The following DENND5B variants were observed in gnomAD, a reference collection of about 807,000 sequenced individuals.
DENND5B encodes DENN domain containing 5B, also known as DENN domain-containing protein 5B.
DENND5B carries 34 observed loss-of-function variants against 140.6 expected under a neutral mutation model. That is an observed-to-expected ratio of 0.24 (90% CI 0.18 to 0.32). The LOEUF (loss-of-function observed/expected upper bound fraction) is 0.32, where lower values mean the gene tolerates loss of function less well. DENND5B is among the 10% of genes least tolerant of loss of function. DENND5B has a pLI of 1.00. For synonymous variants in DENND5B, 551 were observed against 562.1 expected (o/e 0.98, Z 0.28); for missense variants, 1,142 against 1,560.2 (o/e 0.73, Z 4.52).
intron 2 of DENND5B, among the ~76,000 whole-genome samples, chr12:31,488,131 ATTTT>A (rs68139114): frequency 1.5e-5 from 2 of 135,426 alleles, no homozygotes; most frequent in African/African-American, 2.7e-5. Flanking sequence ...ATACCCGGCT[ATTTT>A]TTTTTTTTTT....
chr12:31,545,949 T>TTAAAAAA (rs1948840121), intron 1 of DENND5B, among the ~76,000 whole-genome samples: 1 of 4,606 alleles, frequency 2.2e-4, no homozygotes, highest in African/African-American at 2.9e-3. Context: ...AGACACTGTC[T>TTAAAAAA]CAAAAAAAAA....
intron 8 of DENND5B, chr12:31,432,287 GAA>G: frequency 5.7e-6 from 1 of 175,082 alleles, no homozygotes; most frequent in Non-Finnish European, 1.1e-5. Flanking sequence ...ACAGTAGCCG[GAA>G]AAAAAAAAGC....
At chr12:31,551,250 G>C (rs1328810409) in intron 1 of DENND5B, among the ~76,000 whole-genome samples, 1 of 152,158 alleles carries the variant, frequency 6.6e-6, no homozygotes, top group Non-Finnish European at 1.5e-5. Context: ...AAAGGTGTAA[G>C]GAAGGGATCC....
chr12:31,391,898 T>C (rs2137277731), intron 19 of DENND5B, among the ~76,000 whole-genome samples: 1 of 152,182 alleles, frequency 6.6e-6, no homozygotes, highest in East Asian at 1.9e-4. Flanking sequence ...CCCAGCACTT[T>C]GGGAGGCTGA....
In DENND5B at chr12:31,477,160, G is replaced by A. The variant is rs577744251; in HGVS notation, c.904+2429C>T. On this transcript the variant is annotated intron_variant, in intron 3 of 20. Coordinates refer to ENST00000389082, the MANE Select transcript of DENND5B (RefSeq NM_144973.4). ...GGAGAATTGTTTGAACCCGGGAGGCGGTGGTTGCAGTGAGCCAAGATCATG... is the reference window on the plus strand; with the variant it reads ...GGAGAATTGTTTGAACCCGGGAGGCAGTGGTTGCAGTGAGCCAAGATCATG... Among the ~76,000 whole-genome samples, 12 of 151,960 alleles carry A rather than the reference G, an allele frequency of 7.9e-5. No homozygotes were observed. In the South Asian group the frequency reaches 2.1e-3, roughly 26 times the overall value.
rs1294856924 is a variant in DENND5B at position 31,479,692 on chromosome 12, A to G, written c.801T>C (p.Ser267=). Residue 267 remains serine, a synonymous_variant, in exon 3 of 21, where the codon TCT becomes TCC. Transcript: ENST00000389082. ...QRPGPSELPL[S]DYPLREAFEL... ...CAAATGCCTCCCGAAGGGGGTAATC[A>G]GAGAGGGGGAGTTCACTGGGCCCAG... The G allele has an allele frequency of 9.4e-6, 15 of 1,592,280 alleles. No homozygotes were observed. The highest frequency in any genetic ancestry group is 1.3e-5 in the Non-Finnish European group (15 of 1,169,372).
At position 31,402,627 on chromosome 12, in the gene DENND5B, T is replaced by C. The variant is rs1185175333; in HGVS notation, c.2820A>G (p.Ser940=). ...TCAGCTTTTTGATTGGGATGATCAC[T>C]GACCTATACGGAATCACTGAAAGAA... ...VFTTIMIPYR[S]VIIPIKKLSN... is the part of the protein sequence containing the mutation. The change falls in exon 15 of 21, where the codon TCA becomes TCG. Residue 940 remains serine, a synonymous_variant. Coordinates refer to ENST00000389082, the MANE Select transcript of DENND5B (RefSeq NM_144973.4). The C allele has an allele frequency of 1.4e-5, 22 of 1,609,258 alleles. No homozygotes were observed. Among genetic ancestry groups the C allele is most frequent in the Non-Finnish European group, 1.7e-5 (20 of 1,178,302 alleles).
At chr12:31,446,624 C>T (rs984727388) in intron 6 of DENND5B, among the ~76,000 whole-genome samples, 2 of 152,144 alleles carry the variant, frequency 1.3e-5, no homozygotes, top group Non-Finnish European at 2.9e-5. Flanking sequence ...AGGCCGGGCG[C>T]AGTGGCTCAC....
intron 1 of DENND5B, among the ~76,000 whole-genome samples, chr12:31,515,196 T>C (rs1947583111): frequency 6.6e-6 from 1 of 152,110 alleles, no homozygotes; most frequent in Non-Finnish European, 1.5e-5. Context: ...TCCGAGCTAT[T>C]TGGGATGCTG....
intron 1 of DENND5B, among the ~76,000 whole-genome samples, chr12:31,503,580 TC>T (rs1311139703): frequency 6.6e-6 from 1 of 152,070 alleles, no homozygotes; most frequent in African/African-American, 2.4e-5. Context: ...GAAAATCACT[TC>T]CACAAAATGA....
chr12:31,583,629 G>A (rs1950286437), intron 1 of DENND5B, among the ~76,000 whole-genome samples: 1 of 152,130 alleles, frequency 6.6e-6, no homozygotes, highest in Non-Finnish European at 1.5e-5. Context: ...AGTGAGCCGA[G>A]ATCACGCTAC....
intron 14 of DENND5B, among the ~76,000 whole-genome samples, chr12:31,406,126 G>T (rs1400985517): frequency 6.6e-6 from 1 of 151,610 alleles, no homozygotes; most frequent in Non-Finnish European, 1.5e-5. Flanking sequence ...GATTACAGGT[G>T]TGAGCCACCA....
chr12:31,493,912 G>T (rs1036505821), intron 2 of DENND5B, among the ~76,000 whole-genome samples: 1 of 151,976 alleles, frequency 6.6e-6, no homozygotes, highest in Non-Finnish European at 1.5e-5. Flanking sequence ...AATCATTTCT[G>T]TATCTTTTTT....
In DENND5B at chr12:31,539,610, A is replaced by G. The variant is rs144184645; in HGVS notation, c.128-43691T>C. On this transcript the variant is annotated intron_variant, in intron 1 of 20. Transcript: ENST00000389082. The stretch of plus-strand genomic sequence containing the variant: ...ATCAATCTGATATATCATCATATCA[A>G]CAAAATGAAGAACAAAAACCATATG... Among the ~76,000 whole-genome samples, 113 of 152,332 alleles carry G rather than the reference A, an allele frequency of 7.4e-4. 2 individuals are homozygous for G. The East Asian group carries it at 0.019, about 26-fold the overall frequency.
intron 1 of DENND5B, among the ~76,000 whole-genome samples, chr12:31,557,890 GCTGCT>G (rs1472431043): frequency 2.0e-5 from 3 of 149,238 alleles, no homozygotes; most frequent in Admixed American, 6.7e-5. Flanking sequence ...CAGGCAAGAA[GCTGCT>G]CTGAAGTCTC....
At chr12:31,412,349 A>G (rs1942504415) in intron 13 of DENND5B, among the ~76,000 whole-genome samples, 1 of 152,154 alleles carries the variant, frequency 6.6e-6, no homozygotes, top group Non-Finnish European at 1.5e-5. Flanking sequence ...GTGGTTCCCA[A>G]CCTTTTTGGC....
intron 1 of DENND5B, among the ~76,000 whole-genome samples, chr12:31,584,254 C>A (rs140661053): frequency 6.6e-6 from 1 of 152,264 alleles, no homozygotes; most frequent in Non-Finnish European, 1.5e-5. Context: ...TTCTCTCCTC[C>A]CTCAAAGACA....
chr12:31,474,619 C>A (rs1945708641), intron 3 of DENND5B, among the ~76,000 whole-genome samples: 1 of 152,192 alleles, frequency 6.6e-6, no homozygotes, highest in South Asian at 2.1e-4. Flanking sequence ...CTTTGATTCA[C>A]TTTGGGTTTT....
chr12:31,493,304 C>T lies in DENND5B; in HGVS notation c.237+2506G>A, dbSNP rs1267774411. ...CATGTAAACATGTATGTGAAAATAA[C>T]ATACATAAAGTACTCTAGCAGGCAT... On this transcript the variant is annotated intron_variant, in intron 2 of 20. Coordinates refer to ENST00000389082, the MANE Select transcript of DENND5B (RefSeq NM_144973.4). Among the ~76,000 whole-genome samples the T allele has an allele frequency of 2.6e-5, 4 of 152,170 alleles. No individual in the cohort carries two copies. In the East Asian group the frequency reaches 7.7e-4, roughly 29 times the overall value.
Sources: gnomAD v4.1 joint callset for allele counts (sites outside exome capture counted in the v4.1 genomes callset) on GRCh38, gnomAD v4.1.1 for gene constraint, MANE v1.5 for transcripts, NCBI Gene and HGNC (gene_info 2026-07-23, HGNC 2026-07-21) for gene names.